The following PRICKLE1 variants were observed in gnomAD, a reference collection of about 807,000 sequenced individuals.
PRICKLE1 encodes the protein prickle-like protein 1.
PRICKLE1 carries 14 observed loss-of-function variants against 70.2 expected under a neutral mutation model. That is an observed-to-expected ratio of 0.20 (90% CI 0.13 to 0.31). The LOEUF is 0.31. Among genes scored for constraint, PRICKLE1 ranks in the 10% least tolerant of loss-of-function variants. The pLI, the probability that PRICKLE1 is intolerant of heterozygous loss-of-function variation, is 1.00. For missense variants in PRICKLE1, 821 were observed against 1,026.2 expected, an observed-to-expected ratio of 0.80 and a Z score of 2.73; for synonymous variants, 357 against 379.9, an observed-to-expected ratio of 0.94 and a Z score of 0.70.
At chr12:42,545,212 C>T (rs1399696103) in intron 1 of PRICKLE1, among the ~76,000 whole-genome samples, 5 of 152,086 alleles carry the variant, frequency 3.3e-5, no homozygotes, top group African/African-American at 1.2e-4. Context: ...CCATGTTGCC[C>T]AGGGTAGTCT....
Position 42,464,211 on chromosome 12 carries a change from C to A in PRICKLE1, c.1639+184G>T, listed in dbSNP as rs781209480. 1.4e-4 allele frequency among the ~76,000 whole-genome samples: 22 copies of A among 151,934 alleles called. No individual in the cohort carries two copies. The highest frequency in any genetic ancestry group is 2.6e-4 in the Non-Finnish European group (18 of 68,006). Reference sequence around the variant, plus strand: ...AATTTTTGTATTTTTAGTAGAGCCGCGGTTTCGCCATGTTGCCTGGGCTGG... The same window carrying A: ...AATTTTTGTATTTTTAGTAGAGCCGAGGTTTCGCCATGTTGCCTGGGCTGG... On this transcript the variant is annotated intron_variant, in intron 7 of 7. Coordinates refer to ENST00000345127, the MANE Select transcript of PRICKLE1 (RefSeq NM_153026.3). This position sits in a 1 kb window ranked among gnomAD's most constrained non-coding sequence, Gnocchi z 4.2.
Position 42,567,168 on chromosome 12 carries a change from G to C in PRICKLE1, c.-49+22297C>G, listed in dbSNP as rs191043880. 3.2e-3 allele frequency among the ~76,000 whole-genome samples: 493 copies of C among 152,240 alleles called. 8 individuals are homozygous for C. Among genetic ancestry groups the C allele is most frequent in the Admixed American group, 0.031 (479 of 15,280 alleles). The stretch of plus-strand genomic sequence containing the variant: ...CCGGATGGTCTATTGATGGATCAAA[G>C]CTCCTCGATGGATACCATCTATTAT... On this transcript the variant is annotated intron_variant, in intron 1 of 7. Coordinates refer to ENST00000345127, the MANE Select transcript of PRICKLE1 (RefSeq NM_153026.3).
At chr12:42,485,514 A>G (rs911281241) in intron 1 of PRICKLE1, 2 of 152,154 alleles carry the variant, frequency 1.3e-5, no homozygotes, top group African/African-American at 4.8e-5. Context: ...TGTAAAATTA[A>G]CCATGAATAC....
intron 1 of PRICKLE1, among the ~76,000 whole-genome samples, chr12:42,518,521 G>A (rs1939649436): frequency 6.6e-6 from 1 of 152,144 alleles, no homozygotes; most frequent in Non-Finnish European, 1.5e-5. Context: ...ACAAAGCAAA[G>A]TTATTTAAGT....
chr12:42,474,203 C>A (rs528741071), intron 1 of PRICKLE1, among the ~76,000 whole-genome samples: 1 of 152,230 alleles, frequency 6.6e-6, no homozygotes, highest in East Asian at 1.9e-4. Flanking sequence ...AACCGGGAGG[C>A]GGAGGTTGCA....
chr12:42,479,294 G>A (rs1168346702), intron 1 of PRICKLE1, among the ~76,000 whole-genome samples: 1 of 152,172 alleles, frequency 6.6e-6, no homozygotes, highest in Non-Finnish European at 1.5e-5. Flanking sequence ...CTTCTGAACG[G>A]CAGACAATTT....
rs146125374 is a variant in PRICKLE1 at position 42,509,797 on chromosome 12, C to T, written c.-48-37233G>A. ...CCAAAAGATTATCAAAATCATGGCCCGGCGAGGTGGCTCACACCTGTAATC... is the reference window on the plus strand; with the variant it reads ...CCAAAAGATTATCAAAATCATGGCCTGGCGAGGTGGCTCACACCTGTAATC... On this transcript the variant is annotated intron_variant, in intron 1 of 7. Transcript: ENST00000345127. Among the ~76,000 whole-genome samples the T allele has an allele frequency of 2.4e-4, 36 of 152,052 alleles. No individual in the cohort carries two copies. The East Asian group carries it at 4.9e-3, about 21-fold the overall frequency.
intron 1 of PRICKLE1, chr12:42,483,531 G>A (rs560995841): frequency 6.6e-6 from 1 of 152,084 alleles, no homozygotes; most frequent in East Asian, 1.9e-4. Context: ...AGAGGGCTGG[G>A]TGCCCTACGA....
At chr12:42,514,297 C>T (rs1349510358) in intron 1 of PRICKLE1, among the ~76,000 whole-genome samples, 1 of 152,088 alleles carries the variant, frequency 6.6e-6, no homozygotes, top group Non-Finnish European at 1.5e-5. Context: ...CTTTTATTTT[C>T]TGCATTTCAT....
intron 1 of PRICKLE1, among the ~76,000 whole-genome samples, chr12:42,527,128 CTTT>C (rs386376309): frequency 4.0e-5 from 4 of 100,784 alleles, no homozygotes; most frequent in East Asian, 3.1e-4. Context: ...TTTTTTTCCT[CTTT>C]TTTTTTTTTT....
chr12:42,502,018 C>G (rs546815642), intron 1 of PRICKLE1, among the ~76,000 whole-genome samples: 1 of 151,938 alleles, frequency 6.6e-6, no homozygotes, highest in Non-Finnish European at 1.5e-5. Flanking sequence ...TCTAGAAGCC[C>G]GTCAATAGGT....
At position 42,465,103 on chromosome 12, in the gene PRICKLE1, C is replaced by T. The variant is rs1245579936; in HGVS notation, c.931G>A (p.Asp311Asn). 1 of 1,565,270 alleles carries T rather than the reference C, an allele frequency of 6.4e-7. No individual in the cohort carries two copies. Among genetic ancestry groups the T allele is most frequent in the Non-Finnish European group, 8.6e-7 (1 of 1,159,986 alleles). ...YCSKTCSLGE[D>N]VHASDSSDSA... The stretch of plus-strand genomic sequence containing the variant: ...TCGGAAGAATCAGAGGCATGGACGT[C>T]TTCACCAAGACTGCACGTTTTTGAG... The change falls in exon 7 of 8, where the codon GAC becomes AAC. Residue 311 changes from aspartate (D) to asparagine (N), a missense_variant. Asp to Asn is a conservative substitution (Grantham distance 23). Transcript: ENST00000345127.
intron 1 of PRICKLE1, among the ~76,000 whole-genome samples, chr12:42,522,821 C>A (rs1359233646): frequency 6.6e-6 from 1 of 152,080 alleles, no homozygotes; most frequent in African/African-American, 2.4e-5. Context: ...TAAATTTGAT[C>A]TTTAGGGATC....
At chr12:42,542,012 T>C (rs534540379) in intron 1 of PRICKLE1, among the ~76,000 whole-genome samples, 416 of 152,192 alleles carry the variant, frequency 2.7e-3, no homozygotes, top group Non-Finnish European at 4.7e-3. Context: ...ACTCCGAACA[T>C]AGTCCTCAGG....
At position 42,589,199 on chromosome 12, in the gene PRICKLE1, T is replaced by C. The variant is rs1375355681; in HGVS notation, c.-49+266A>G. On this transcript the variant is annotated intron_variant, in intron 1 of 7. Coordinates refer to ENST00000345127, the MANE Select transcript of PRICKLE1 (RefSeq NM_153026.3). This position sits in a 1 kb window ranked among gnomAD's most constrained non-coding sequence, Gnocchi z 5.0. ...CGGAGAAAACCAAGGGAAGAGTTGG[T>C]TGTGATGCAGCAAACAGGAGCCATG... is the stretch of plus-strand genomic sequence containing the variant. 6.6e-6 allele frequency: 1 copy of C among 152,170 alleles called. No homozygotes were observed. Among genetic ancestry groups the C allele is most frequent in the Non-Finnish European group, 1.5e-5 (1 of 68,054 alleles). The allele number at this position is 152,170 out of a possible 1,614,324, so 9.4% of individuals were successfully genotyped here.
Position 42,554,259 on chromosome 12 carries a change from C to T in PRICKLE1, c.-49+35206G>A, listed in dbSNP as rs984279427. The stretch of plus-strand genomic sequence containing the variant: ...TTGTTGTGAAGATTAAAAGAAAGAA[C>T]GCATGTAAGTCTTGATATGTTATGT... On this transcript the variant is annotated intron_variant, in intron 1 of 7. Coordinates refer to ENST00000345127, the MANE Select transcript of PRICKLE1 (RefSeq NM_153026.3). Among the ~76,000 whole-genome samples the T allele has an allele frequency of 3.9e-5, 6 of 152,096 alleles. No homozygotes were observed. The South Asian group carries it at 6.2e-4, about 16-fold the overall frequency.
intron 1 of PRICKLE1, among the ~76,000 whole-genome samples, chr12:42,558,103 T>C (rs1048899863): frequency 6.6e-6 from 1 of 152,222 alleles, no homozygotes; most frequent in Non-Finnish European, 1.5e-5. Context: ...AAAAGCCACC[T>C]ACTAGAAATG....
intron 1 of PRICKLE1, among the ~76,000 whole-genome samples, chr12:42,526,840 C>T (rs561855795): frequency 2.8e-4 from 43 of 151,242 alleles, no homozygotes; most frequent in African/African-American, 9.5e-4. Flanking sequence ...ATGATGACGA[C>T]GATGATGATG....
chr12:42,549,583 T>A (rs537201227), intron 1 of PRICKLE1, among the ~76,000 whole-genome samples: 61 of 152,028 alleles, frequency 4.0e-4, no homozygotes, highest in African/African-American at 1.4e-3. Context: ...TGCACAAGCC[T>A]CCTCCCAACA....
Sources: allele counts gnomAD v4.1 joint callset (sites outside exome capture counted in the v4.1 genomes callset), GRCh38; gene constraint gnomAD v4.1.1; non-coding constraint Gnocchi (gnomAD v3.1); transcripts MANE v1.5; gene names NCBI Gene and HGNC (gene_info 2026-07-23, HGNC 2026-07-21).